Variants in TAX1BP1 observed in about 807,000 individuals in gnomAD.
TAX1BP1 encodes the protein tax1-binding protein 1.
A neutral mutation model predicts 97.7 loss-of-function variants in TAX1BP1; 62 were observed. The observed-to-expected ratio is 0.63, with a 90% CI of 0.52 to 0.78. The LOEUF is 0.78. TAX1BP1 is among the 30% of genes least tolerant of loss of function. The probability of loss-of-function intolerance (pLI) is 0.00; values close to 1 mark genes in which losing one functional copy is unlikely to be tolerated. For synonymous variants in TAX1BP1, 340 were observed against 304.2 expected (o/e 1.12, Z -1.23); for missense variants, 867 against 916.1 (o/e 0.95, Z 0.69).
intron 4 of TAX1BP1, among the ~76,000 whole-genome samples, chr7:27,767,767 A>G (rs1043960588): frequency 1.9e-4 from 29 of 152,122 alleles, no homozygotes; most frequent in African/African-American, 7.0e-4. Flanking sequence ...AGATTGAGAC[A>G]TATCTCATTC....
chr7:27,798,090 A>G (rs1185759977), intron 12 of TAX1BP1, among the ~76,000 whole-genome samples: 2 of 152,132 alleles, frequency 1.3e-5, no homozygotes, highest in African/African-American at 2.4e-5. Context: ...CAATTTTATA[A>G]AATGGAGTCA....
intron 5 of TAX1BP1, among the ~76,000 whole-genome samples, chr7:27,777,017 T>G (rs926289538): frequency 2.0e-5 from 3 of 152,218 alleles, no homozygotes; most frequent in Non-Finnish European, 2.9e-5. Flanking sequence ...TCTTTCATGT[T>G]TCTATGTGTT....
At chr7:27,768,193 A>G (rs1174552742) in intron 4 of TAX1BP1, among the ~76,000 whole-genome samples, 1 of 152,014 alleles carries the variant, frequency 6.6e-6, no homozygotes, top group Non-Finnish European at 1.5e-5. Flanking sequence ...TTTAGGAGTG[A>G]AGTGTCTGCA....
intron 15 of TAX1BP1, among the ~76,000 whole-genome samples, chr7:27,819,772 G>C (rs1439665272): frequency 6.6e-6 from 1 of 152,170 alleles, no homozygotes; most frequent in African/African-American, 2.4e-5. Flanking sequence ...AAAATTGTAA[G>C]TCTAACCATT....
chr7:27,824,232 T>C (rs1296853080), intron 15 of TAX1BP1, among the ~76,000 whole-genome samples: 1 of 152,166 alleles, frequency 6.6e-6, no homozygotes, highest in East Asian at 1.9e-4. Context: ...GTTAGTGTGA[T>C]CTAACCCTAA....
In TAX1BP1 at chr7:27,828,863, G is replaced by C. The variant is rs774381780; in HGVS notation, c.*34G>C. On this transcript the variant is annotated 3_prime_UTR_variant, in exon 17 of 17. Transcript: ENST00000396319. ...TATTATGAGTTAATATAGTTTAGCA[G>C]TAAAAAAAAAAAAAAAAACCACACC... 1 of 714,034 alleles carries C rather than the reference G, an allele frequency of 1.4e-6. No homozygotes were observed. Among genetic ancestry groups the C allele is most frequent in the East Asian group, 3.4e-5 (1 of 29,436 alleles). 44.2% of individuals were successfully genotyped at this position (714,034 alleles called of 1,614,324 possible). A position where few individuals can be genotyped will look rare whatever the true frequency, so the allele number is the denominator to read the frequency against.
Position 27,827,334 on chromosome 7 carries a change from CAG to C in TAX1BP1, c.2086-401_2086-400del, listed in dbSNP as rs560315277. 1.3e-3 allele frequency among the ~76,000 whole-genome samples: 190 copies of C among 150,938 alleles called. 2 individuals are homozygous for C. The highest frequency in any genetic ancestry group is 4.3e-3 in the African/African-American group (178 of 41,060). On this transcript the variant is annotated intron_variant, in intron 15 of 16. Transcript: ENST00000396319. Reference sequence around the variant, plus strand: ...CGCCACTGCACTCCAGCCTGGGTGACAGAGTGATGACTCCATCTCAAAAAAAA... The same window carrying C: ...CGCCACTGCACTCCAGCCTGGGTGACAGTGATGACTCCATCTCAAAAAAAA...
At chr7:27,808,247 C>A (rs57293935) in intron 13 of TAX1BP1, among the ~76,000 whole-genome samples, 6,254 of 152,228 alleles carry the variant, frequency 0.041, 404 homozygotes, top group African/African-American at 0.14. Context: ...GCAACACACA[C>A]AAAAAACTAT....
At chr7:27,742,595 G>A (rs1238162862) in intron 1 of TAX1BP1, among the ~76,000 whole-genome samples, 2 of 152,170 alleles carry the variant, frequency 1.3e-5, no homozygotes, top group Middle Eastern at 3.2e-3. Context: ...CACAGTAACA[G>A]TCTGATCTCT....
chr7:27,784,585 T>C (rs564192214), intron 5 of TAX1BP1, among the ~76,000 whole-genome samples: 11 of 152,308 alleles, frequency 7.2e-5, no homozygotes, highest in African/African-American at 2.2e-4. Context: ...AGACTTGATA[T>C]GTCGTGACTA....
intron 8 of TAX1BP1, among the ~76,000 whole-genome samples, chr7:27,788,023 T>A (rs1414892739): frequency 6.6e-6 from 1 of 152,068 alleles, no homozygotes; most frequent in African/African-American, 2.4e-5. Context: ...ATTTTGTGAT[T>A]CACAGTTAGT....
intron 13 of TAX1BP1, among the ~76,000 whole-genome samples, chr7:27,812,012 C>A (rs1790577063): frequency 1.3e-5 from 2 of 152,066 alleles, no homozygotes; most frequent in African/African-American, 2.4e-5. Context: ...TGAGTAGATA[C>A]CTAGGAGTGG....
At chr7:27,756,314 A>C (rs1288641905) in intron 2 of TAX1BP1, among the ~76,000 whole-genome samples, 1 of 152,122 alleles carries the variant, frequency 6.6e-6, no homozygotes, top group African/African-American at 2.4e-5. Context: ...TATGCCCAAC[A>C]TGCCCCTCTC....
chr7:27,826,612 G>T (rs2051829), intron 15 of TAX1BP1, among the ~76,000 whole-genome samples: 72,924 of 151,924 alleles, frequency 0.48, 17,590 homozygotes, highest in African/African-American at 0.5. Context: ...AAGGAAATAG[G>T]CAATTTAGAT....
At chr7:27,784,433 G>C (rs1789388267) in intron 5 of TAX1BP1, among the ~76,000 whole-genome samples, 3 of 151,962 alleles carry the variant, frequency 2.0e-5, no homozygotes, top group African/African-American at 7.3e-5. Flanking sequence ...ATTTGTCTTA[G>C]TGTCTTTGAA....
intron 1 of TAX1BP1, among the ~76,000 whole-genome samples, chr7:27,747,515 T>C (rs951163742): frequency 2.6e-5 from 4 of 152,156 alleles, no homozygotes; most frequent in African/African-American, 4.8e-5. Context: ...ACGTGAATAC[T>C]AGAAGTTGAG....
chr7:27,765,676 G>A (rs544694508), intron 3 of TAX1BP1, among the ~76,000 whole-genome samples, 158 bp from the exon 4 acceptor site: 12 of 152,302 alleles, frequency 7.9e-5, no homozygotes, highest in East Asian at 7.7e-4. Flanking sequence ...TAGGAAGGAA[G>A]AATCTAGTTT....
chr7:27,741,087 G>T (rs1402693448), intron 1 of TAX1BP1, among the ~76,000 whole-genome samples: 4 of 152,226 alleles, frequency 2.6e-5, no homozygotes, highest in African/African-American at 4.8e-5. Context: ...TTTGACTTTA[G>T]ACATACACAG....
At chr7:27,781,451 G>A (rs1461379311) in intron 5 of TAX1BP1, among the ~76,000 whole-genome samples, 1 of 152,152 alleles carries the variant, frequency 6.6e-6, no homozygotes, top group African/African-American at 2.4e-5. Context: ...ACTGTAGGCA[G>A]TTGTAACACA....
Sources: gnomAD v4.1 joint callset for allele counts (sites outside exome capture counted in the v4.1 genomes callset) on GRCh38, gnomAD v4.1.1 for gene constraint, MANE v1.5 for transcripts, NCBI Gene and HGNC (gene_info 2026-07-23, HGNC 2026-07-21) for gene names.